The following GABRA2 variants were observed in gnomAD, a reference collection of about 807,000 sequenced individuals.
The protein encoded by GABRA2 is gamma-aminobutyric acid receptor subunit alpha-2.
In GABRA2, 16 loss-of-function variants were observed where a neutral mutation model predicts 48.7. The observed-to-expected ratio is 0.33, with a 90% CI of 0.22 to 0.50. The LOEUF is 0.50. Ranked by LOEUF, GABRA2 falls within the 20% of genes least tolerant of loss-of-function variation. The probability of loss-of-function intolerance (pLI) is 0.98; values close to 1 mark genes in which losing one functional copy is unlikely to be tolerated. For missense variants in GABRA2, 275 were observed against 535.6 expected (o/e 0.51, Z 4.80); for synonymous variants, 185 against 184.5 (o/e 1.00, Z -0.02).
Position 46,352,135 on chromosome 4 carries a change from C to T in GABRA2, c.188-19453G>A, listed in dbSNP as rs561057120. ...ATGTTTGCCTTCACTGAACTCAGAA[C>T]GTGGGACGGTTAGACTTTTGCTGTA... On this transcript the variant is annotated intron_variant, in intron 3 of 9. Transcript: ENST00000381620. 4.7e-4 allele frequency among the ~76,000 whole-genome samples: 71 copies of T among 152,070 alleles called. 1 individual carries two copies. In the South Asian group the frequency reaches 0.013, roughly 28 times the overall value.
chr4:46,371,508 CA>C (rs1714884688), intron 3 of GABRA2, among the ~76,000 whole-genome samples: 1 of 152,024 alleles, frequency 6.6e-6, no homozygotes, highest in African/African-American at 2.4e-5. Context: ...GTATCCAATA[CA>C]TTTTTTTATA....
At chr4:46,293,032 A>G (rs1373596752) in intron 8 of GABRA2, among the ~76,000 whole-genome samples, 1 of 152,180 alleles carries the variant, frequency 6.6e-6, no homozygotes, top group Non-Finnish European at 1.5e-5. Flanking sequence ...AGCTACTGTA[A>G]TGGACAGCAG....
intron 8 of GABRA2, among the ~76,000 whole-genome samples, chr4:46,266,362 A>T (rs890093966): frequency 1.3e-5 from 2 of 148,456 alleles, no homozygotes; most frequent in African/African-American, 4.9e-5. Flanking sequence ...TAAATATAAA[A>T]TAAATTTTAT....
chr4:46,343,191 T>A (rs1047026316), intron 3 of GABRA2, among the ~76,000 whole-genome samples: 1 of 152,012 alleles, frequency 6.6e-6, no homozygotes, highest in Non-Finnish European at 1.5e-5. Context: ...TAACATTAAT[T>A]TTCAACATTC....
In GABRA2 at chr4:46,388,835, T is replaced by G. The variant is rs1351787920; in HGVS notation, c.-10-119A>C. ...GGATTCGTGTTAAAGCTATGGAGATTACTTCCTGGACTCTGTGTAGGACTT... is the reference window on the plus strand; with the variant it reads ...GGATTCGTGTTAAAGCTATGGAGATGACTTCCTGGACTCTGTGTAGGACTT... On this transcript the variant is annotated intron_variant, in intron 1 of 9. Transcript: ENST00000381620. 2.6e-6 allele frequency: 4 copies of G among 1,520,300 alleles called. No individual in the cohort carries two copies. The Admixed American group carries it at 8.6e-5, about 33-fold the overall frequency. The allele number at this position is 1,520,300 out of a possible 1,614,324, so 94.2% of individuals were successfully genotyped here.
At chr4:46,315,010 T>C (rs908586908) in intron 4 of GABRA2, among the ~76,000 whole-genome samples, 3 of 152,106 alleles carry the variant, frequency 2.0e-5, no homozygotes, top group Non-Finnish European at 4.4e-5. Context: ...TAACCAGTAA[T>C]GCGATTGCTG....
intron 7 of GABRA2, among the ~76,000 whole-genome samples, chr4:46,304,314 T>C (rs2109632287): frequency 6.6e-6 from 1 of 152,310 alleles, no homozygotes; most frequent in African/African-American, 2.4e-5. Flanking sequence ...TTTAACCCTG[T>C]TGCCAATTCT....
At chr4:46,327,079 T>C (rs1291677586) in intron 4 of GABRA2, among the ~76,000 whole-genome samples, 2 of 151,962 alleles carry the variant, frequency 1.3e-5, no homozygotes, top group Admixed American at 6.6e-5. Flanking sequence ...CTCTTGCCTG[T>C]AGTAAAACAG....
Position 46,305,715 on chromosome 4 carries a change from T to C in GABRA2, c.560-4A>G, listed in dbSNP as rs557299896. 1.2e-5 allele frequency: 19 copies of C among 1,599,196 alleles called. No homozygotes were observed. The highest frequency in any genetic ancestry group is 2.2e-5 in the East Asian group (1 of 44,756). On this transcript the variant is annotated splice_polypyrimidine_tract_variant and splice_region_variant and intron_variant, in intron 6 of 9. Coordinates refer to ENST00000381620, the MANE Select transcript of GABRA2 (RefSeq NM_000807.4). ...ACCTCTGAAGTTGTATATGCATCTA[T>C]AGGAAATCAGAAAAAATATTTTAAG...
At chr4:46,346,091 A>C (rs567359272) in intron 3 of GABRA2, among the ~76,000 whole-genome samples, 2 of 152,078 alleles carry the variant, frequency 1.3e-5, no homozygotes, top group African/African-American at 4.8e-5. Flanking sequence ...CAACAAAGAC[A>C]TTTCGCTTTC....
At chr4:46,320,792 T>A (rs1729319875) in intron 4 of GABRA2, among the ~76,000 whole-genome samples, 1 of 151,218 alleles carries the variant, frequency 6.6e-6, no homozygotes, top group African/African-American at 2.4e-5. Context: ...ATGTACACTG[T>A]TGGTGGGGAT....
At chr4:46,274,213 T>A (rs1720051127) in intron 8 of GABRA2, among the ~76,000 whole-genome samples, 1 of 152,094 alleles carries the variant, frequency 6.6e-6, no homozygotes, top group South Asian at 2.1e-4. Context: ...ATGAGCAAAT[T>A]GAGTTTACAT....
intron 3 of GABRA2, among the ~76,000 whole-genome samples, chr4:46,334,312 G>T (rs1255905835): frequency 6.6e-6 from 1 of 152,058 alleles, no homozygotes; most frequent in African/African-American, 2.4e-5. Flanking sequence ...TGTAGCTGAT[G>T]CTGAACCTGA....
intron 3 of GABRA2, among the ~76,000 whole-genome samples, chr4:46,348,009 T>A (rs1734439552): frequency 6.6e-6 from 1 of 151,920 alleles, no homozygotes; most frequent in Non-Finnish European, 1.5e-5. Context: ...GGGAGAAAAT[T>A]TTCACAACCT....
chr4:46,301,608 C>T (rs1359574173), intron 8 of GABRA2, among the ~76,000 whole-genome samples: 1 of 152,152 alleles, frequency 6.6e-6, no homozygotes, highest in East Asian at 1.9e-4. Context: ...AGGATTCTTG[C>T]CCCATCTCAT....
At position 46,313,362 on chromosome 4, in the gene GABRA2, G is replaced by A. The variant is rs144798928; in HGVS notation, c.256-646C>T. On this transcript the variant is annotated intron_variant, in intron 4 of 9. Transcript: ENST00000381620. ...AGAACATGATATTGTTAGCAAGACTGTCTTAGGAGATAATTTCAATAAAGT... is the reference window on the plus strand; with the variant it reads ...AGAACATGATATTGTTAGCAAGACTATCTTAGGAGATAATTTCAATAAAGT... Among the ~76,000 whole-genome samples, 496 of 152,008 alleles carry A rather than the reference G, an allele frequency of 3.3e-3. 1 individual carries two copies. Among genetic ancestry groups the A allele is most frequent in the African/African-American group, 0.011 (447 of 41,494 alleles).
intron 4 of GABRA2, among the ~76,000 whole-genome samples, chr4:46,327,260 A>G (rs1730549959): frequency 6.6e-6 from 1 of 152,030 alleles, no homozygotes; most frequent in Non-Finnish European, 1.5e-5. Flanking sequence ...TACAAATAGT[A>G]AATATGAGTC....
At chr4:46,333,255 T>C (rs377579416) in intron 3 of GABRA2, among the ~76,000 whole-genome samples, 22 of 152,238 alleles carry the variant, frequency 1.4e-4, no homozygotes, top group African/African-American at 5.3e-4. Context: ...AGCTTGTTTT[T>C]AAATGTATTT....
At position 46,246,622 on chromosome 4, in the gene GABRA2, T is replaced by C. The variant is rs1322795735; in HGVS notation, c.*3686A>G. Among the ~76,000 whole-genome samples, 1 of 151,226 alleles carries C rather than the reference T, an allele frequency of 6.6e-6. No homozygotes were observed. The highest frequency in any genetic ancestry group is 2.0e-4 in the East Asian group (1 of 5,122). The stretch of plus-strand genomic sequence containing the variant: ...TAATCCCCTTAAAATTCTGAATGTT[T>C]TCATATGATAAAAAATTTGGTCATT... On this transcript the variant is annotated 3_prime_UTR_variant, in exon 10 of 10. Transcript: ENST00000381620.
Sources: gnomAD v4.1 joint callset for allele counts (sites outside exome capture counted in the v4.1 genomes callset) on GRCh38, gnomAD v4.1.1 for gene constraint, MANE v1.5 for transcripts, NCBI Gene and HGNC (gene_info 2026-07-23, HGNC 2026-07-21) for gene names.